CFAP58: variants seen among roughly 807,000 people sequenced by gnomAD.
CFAP58 encodes cilia- and flagella-associated protein 58.
Under a neutral mutation model 119.5 loss-of-function variants are expected in CFAP58, and 88 were observed. That is an observed-to-expected ratio of 0.74 (90% CI 0.62 to 0.88). The LOEUF (loss-of-function observed/expected upper bound fraction) is 0.88. CFAP58 is among the 40% of genes least tolerant of loss of function. The probability of loss-of-function intolerance (pLI) is 0.00; values close to 1 mark genes in which losing one functional copy is unlikely to be tolerated. For missense variants in CFAP58, 990 were observed against 1,021.2 expected (o/e 0.97, Z 0.42); for synonymous variants, 365 against 366.3 (o/e 1.00, Z 0.04).
At chr10:104,398,825 T>G (rs925544582) in intron 11 of CFAP58, among the ~76,000 whole-genome samples, 1 of 152,242 alleles carries the variant, frequency 6.6e-6, no homozygotes, top group Non-Finnish European at 1.5e-5. Flanking sequence ...TATCTTTTTA[T>G]AAATGACATC....
intron 9 of CFAP58, among the ~76,000 whole-genome samples, chr10:104,386,296 T>A (rs1440259554): frequency 6.6e-6 from 1 of 151,322 alleles, no homozygotes; most frequent in East Asian, 1.9e-4. Flanking sequence ...GCAAATCGCT[T>A]GAACCTGGGA....
At chr10:104,373,302 C>T (rs1052958751) in intron 7 of CFAP58, among the ~76,000 whole-genome samples, 13 of 151,972 alleles carry the variant, frequency 8.6e-5, no homozygotes, top group Admixed American at 3.9e-4. Flanking sequence ...ATAAATCTGT[C>T]CAAGTTAATT....
chr10:104,367,644 T>C (rs1301126678), intron 5 of CFAP58, among the ~76,000 whole-genome samples: 2 of 152,210 alleles, frequency 1.3e-5, no homozygotes, highest in African/African-American at 4.8e-5. Context: ...TCCCTATTGA[T>C]GGAGAATTAG....
the CFAP58 span, among the ~76,000 whole-genome samples, chr10:104,343,333 CA>C: frequency 3.9e-5 from 6 of 152,166 alleles, no homozygotes; most frequent in African/African-American, 1.4e-4. Flanking sequence ...TATTTACTGA[CA>C]AAAATTAAGT....
chr10:104,356,916 C>T (rs1477267200), intron 1 of CFAP58, among the ~76,000 whole-genome samples: 1 of 152,138 alleles, frequency 6.6e-6, no homozygotes, highest in Non-Finnish European at 1.5e-5. Flanking sequence ...AATACTTGCT[C>T]AATGAATGAA....
chr10:104,397,891 G>C (rs192668470), intron 11 of CFAP58, among the ~76,000 whole-genome samples: 2 of 152,154 alleles, frequency 1.3e-5, no homozygotes, highest in Non-Finnish European at 2.9e-5. Context: ...GCCCTATATA[G>C]TGCATGGCAC....
At chr10:104,367,059 A>T (rs1333796173) in intron 5 of CFAP58, among the ~76,000 whole-genome samples, 2 of 151,924 alleles carry the variant, frequency 1.3e-5, no homozygotes, top group Non-Finnish European at 2.9e-5. Context: ...GGGTGTCACC[A>T]TGTTGGCCAG....
intron 15 of CFAP58, among the ~76,000 whole-genome samples, chr10:104,419,683 A>C (rs1487169302): frequency 3.3e-5 from 5 of 151,940 alleles, no homozygotes. Context: ...AGTCAAGAGC[A>C]TGGATCCTGT....
At chr10:104,354,451 AC>A (rs1189669241) in intron 1 of CFAP58, among the ~76,000 whole-genome samples, 3 of 150,634 alleles carry the variant, frequency 2.0e-5, no homozygotes, top group Non-Finnish European at 4.4e-5. Context: ...ATCTCGTATC[AC>A]CCCACCACTC....
the CFAP58 span, among the ~76,000 whole-genome samples, chr10:104,343,335 AAAATT>A: frequency 6.6e-6 from 1 of 152,210 alleles, no homozygotes; most frequent in Admixed American, 6.5e-5. Context: ...TTTACTGACA[AAAATT>A]AAGTCCAGAG....
At chr10:104,429,302 G>A (rs1009650943) in intron 15 of CFAP58, among the ~76,000 whole-genome samples, 2 of 152,216 alleles carry the variant, frequency 1.3e-5, no homozygotes, top group African/African-American at 4.8e-5. Flanking sequence ...GGAGTGTTGA[G>A]TAGGGTCCTG....
Position 104,423,018 on chromosome 10 carries a change from T to A in CFAP58, c.2256+16225T>A, listed in dbSNP as rs191121031. On this transcript the variant is annotated intron_variant, in intron 15 of 17. Transcript: ENST00000369704. ...ATAATTGTACTAAGATTTCTTTTTT[T>A]AATCCTTTGTTGGATATGGTACTTT... Among the ~76,000 whole-genome samples, 188 of 152,368 alleles carry A rather than the reference T, an allele frequency of 1.2e-3. 2 individuals carry two copies. The highest frequency in any genetic ancestry group is 4.2e-3 in the African/African-American group (174 of 41,596).
intron 2 of CFAP58, among the ~76,000 whole-genome samples, chr10:104,361,565 A>T (rs1429514612): frequency 6.6e-6 from 1 of 152,206 alleles, no homozygotes; most frequent in Non-Finnish European, 1.5e-5. Context: ...TCCTTTTAAT[A>T]TCTGGACTTA....
At chr10:104,432,200 GA>G (rs1027267721) in intron 15 of CFAP58, among the ~76,000 whole-genome samples, 14 of 151,296 alleles carry the variant, frequency 9.3e-5, no homozygotes, top group East Asian at 3.9e-4. Context: ...AAGGTGGAAA[GA>G]AAAAAAATAG....
the CFAP58 span, among the ~76,000 whole-genome samples, chr10:104,345,438 T>G: frequency 6.6e-6 from 1 of 152,276 alleles, no homozygotes; most frequent in African/African-American, 2.4e-5. Flanking sequence ...TAAATGTTCG[T>G]GTACTGATAC....
chr10:104,370,775 C>A, intron 6 of CFAP58, 120 bp from the exon 7 acceptor site: 2 of 891,228 alleles, frequency 2.2e-6, no homozygotes, highest in Non-Finnish European at 1.6e-6. Context: ...TTTAATCTCA[C>A]AGAACAACTT....
intron 10 of CFAP58, among the ~76,000 whole-genome samples, chr10:104,392,640 T>C (rs1466017578): frequency 2.4e-5 from 1 of 41,012 alleles, no homozygotes; most frequent in African/African-American, 1.1e-4. Context: ...GTCTTTCTAC[T>C]TTTTTTTTTT....
chr10:104,342,666 CAAAA>C, the CFAP58 span, among the ~76,000 whole-genome samples: 9 of 90,520 alleles, frequency 9.9e-5, no homozygotes, highest in African/African-American at 3.2e-4. Flanking sequence ...CCCGTCTATA[CAAAA>C]AAAAAAAAAA....
chr10:104,427,600 CACA>C (rs929728867), intron 15 of CFAP58, among the ~76,000 whole-genome samples: 5 of 152,332 alleles, frequency 3.3e-5, no homozygotes, highest in Admixed American at 2.0e-4. Flanking sequence ...AACACACACT[CACA>C]ACATTTACCT....
Sources: allele counts gnomAD v4.1 joint callset (sites outside exome capture counted in the v4.1 genomes callset), GRCh38; gene constraint gnomAD v4.1.1; transcripts MANE v1.5; gene names NCBI Gene and HGNC (gene_info 2026-07-23, HGNC 2026-07-21).